The following MYO18B variants were observed in gnomAD, a reference collection of about 807,000 sequenced individuals.
MYO18B encodes the protein myosin XVIIIB.
MYO18B carries 204 observed loss-of-function variants against 273.0 expected under a neutral mutation model. That is an observed-to-expected ratio of 0.75 (90% CI 0.67 to 0.84). The LOEUF (loss-of-function observed/expected upper bound fraction) is 0.84, where lower values mean the gene tolerates loss of function less well. MYO18B is among the 40% of genes least tolerant of loss of function. The pLI is 0.00. For missense variants in MYO18B, 3,212 were observed against 3,287.6 expected (o/e 0.98, Z 0.56); for synonymous variants, 1,330 against 1,305.7 (o/e 1.02, Z -0.40).
chr22:25,849,108 T>C (rs2090345019), intron 20 of MYO18B, among the ~76,000 whole-genome samples: 2 of 152,242 alleles, frequency 1.3e-5, no homozygotes, highest in South Asian at 4.1e-4. Flanking sequence ...CCCCCACACT[T>C]AATCGATTCT....
At chr22:25,808,749 C>A (rs1400156598) in intron 12 of MYO18B, among the ~76,000 whole-genome samples, 3 of 152,136 alleles carry the variant, frequency 2.0e-5, no homozygotes, top group African/African-American at 7.2e-5. Context: ...ACTCCTTTGA[C>A]CTGTGAGACT....
chr22:25,858,525 A>G (rs1260852971), intron 21 of MYO18B, among the ~76,000 whole-genome samples: 1 of 152,232 alleles, frequency 6.6e-6, no homozygotes. Context: ...CCTGTCTGGC[A>G]TATACAGCCA....
Position 25,887,732 on chromosome 22 carries a change from A to G in MYO18B, c.4315-3024A>G, listed in dbSNP as rs1363222274. On this transcript the variant is annotated intron_variant, in intron 25 of 43. Transcript: ENST00000335473. ...GGAAGGGATAGGGATTTATGGGGACAGGGGAAGGTCAGGGGCACCTTGTCT... is the reference window on the plus strand; with the variant it reads ...GGAAGGGATAGGGATTTATGGGGACGGGGGAAGGTCAGGGGCACCTTGTCT... Among the ~76,000 whole-genome samples, 10 of 152,162 alleles carry G rather than the reference A, an allele frequency of 6.6e-5. No individual in the cohort carries two copies. The East Asian group carries it at 1.9e-3, about 29-fold the overall frequency.
At chr22:25,781,255 G>A (rs2087135544) in intron 9 of MYO18B, among the ~76,000 whole-genome samples, 1 of 152,208 alleles carries the variant, frequency 6.6e-6, no homozygotes, top group South Asian at 2.1e-4. Context: ...ACAAAGGATT[G>A]AGAAGTTCTG....
At chr22:25,831,315 G>C (rs2089698763) in intron 15 of MYO18B, among the ~76,000 whole-genome samples, 1 of 152,178 alleles carries the variant, frequency 6.6e-6, no homozygotes. Flanking sequence ...TAAGTTCAAG[G>C]CTTTATAAAC....
intron 25 of MYO18B, among the ~76,000 whole-genome samples, chr22:25,879,854 A>G (rs2091292040): frequency 2.0e-5 from 3 of 152,194 alleles, no homozygotes; most frequent in Non-Finnish European, 4.4e-5. Context: ...CACATCCTAC[A>G]TGGCTGGAGC....
Position 25,972,866 on chromosome 22 carries a change from G to T in MYO18B, c.6156+17502G>T, listed in dbSNP as rs145148262. ...TGCTACTCCGGTGGCTGAGGCATGAGAATTGGTTGAACCTAGGAGGTGGAG... is the reference window on the plus strand; with the variant it reads ...TGCTACTCCGGTGGCTGAGGCATGATAATTGGTTGAACCTAGGAGGTGGAG... On this transcript the variant is annotated intron_variant, in intron 39 of 43. Transcript: ENST00000335473. Among the ~76,000 whole-genome samples, 90 of 151,110 alleles carry T rather than the reference G, an allele frequency of 6.0e-4. No individual in the cohort carries two copies. The East Asian group carries it at 0.017, about 29-fold the overall frequency.
At chr22:25,997,614 G>T (rs143507993) in intron 40 of MYO18B, among the ~76,000 whole-genome samples, 3 of 152,284 alleles carry the variant, frequency 2.0e-5, no homozygotes, top group East Asian at 3.9e-4. Flanking sequence ...TGCCCATGAA[G>T]TCTCAACACA....
At chr22:25,941,602 T>G (rs2092644925) in intron 34 of MYO18B, among the ~76,000 whole-genome samples, 1 of 152,256 alleles carries the variant, frequency 6.6e-6, no homozygotes, top group Non-Finnish European at 1.5e-5. Context: ...AGTGAATTCT[T>G]CTTATGCTGG....
Position 25,843,847 on chromosome 22 carries a change from C to G in MYO18B, c.3321C>G (p.Pro1107=). The change falls in exon 18 of 44, where the codon CCC becomes CCG. Residue 1107 remains proline, a synonymous_variant. Transcript: ENST00000335473. ...DLTGWLHRAK[P]NLSALDAPQV... ...CGGGCTGGCTCCACAGAGCCAAGCCCAACCTCTCGGCCCTGGATGCACCCC... is the reference window on the plus strand; with the variant it reads ...CGGGCTGGCTCCACAGAGCCAAGCCGAACCTCTCGGCCCTGGATGCACCCC... 6.2e-7 allele frequency: 1 copy of G among 1,613,556 alleles called. No individual in the cohort carries two copies.
chr22:26,005,841 G>C (rs567125895), intron 42 of MYO18B, among the ~76,000 whole-genome samples: 1 of 152,272 alleles, frequency 6.6e-6, no homozygotes, highest in South Asian at 2.1e-4. Flanking sequence ...GGGCATATTT[G>C]GCAAATGGCA....
intron 1 of MYO18B, among the ~76,000 whole-genome samples, chr22:25,748,945 A>G (rs2085859281): frequency 6.6e-6 from 1 of 152,154 alleles, no homozygotes; most frequent in South Asian, 2.1e-4. Flanking sequence ...CTTTGTATGG[A>G]ATCATGAGTC....
At chr22:25,771,034 C>T (rs1245806390) in intron 6 of MYO18B, 50 bp downstream of exon 6, 1 of 1,267,584 alleles carries the variant, frequency 7.9e-7, no homozygotes, top group Non-Finnish European at 1.1e-6. Flanking sequence ...TGTCCCACTT[C>T]ACCCCAGCTC....
chr22:25,890,798 G>A lies in MYO18B; in HGVS notation c.4357G>A (p.Gly1453Ser), dbSNP rs765037436. Residue 1453 changes from glycine to serine, a missense_variant, in exon 26 of 44, where the codon GGT (glycine) becomes AGT (serine). Gly to Ser is a moderately conservative substitution (Grantham distance 56). Transcript: ENST00000335473. ...TSDLADERFK[G>S]DVACQVLESE... ...TGACCTTGCCGATGAGCGCTTCAAA[G>A]GTGATGTGGCCTGCCAGGTGCTGGA... 1 of 1,613,982 alleles carries A rather than the reference G, an allele frequency of 6.2e-7. No individual in the cohort carries two copies. The highest frequency in any genetic ancestry group is 8.5e-7 in the Non-Finnish European group (1 of 1,179,892).
At chr22:26,011,229 A>G (rs934773583) in intron 42 of MYO18B, among the ~76,000 whole-genome samples, 1 of 151,972 alleles carries the variant, frequency 6.6e-6, no homozygotes, top group Non-Finnish European at 1.5e-5. Context: ...TGCCTGCACC[A>G]TTCTGAGTCC....
chr22:25,921,382 G>A lies in MYO18B; in HGVS notation c.5490G>A (p.Lys1830=), dbSNP rs1254950991. The A allele has an allele frequency of 6.2e-7, 1 of 1,600,496 alleles. No individual in the cohort carries two copies. Among genetic ancestry groups the A allele is most frequent in the East Asian group, 2.3e-5 (1 of 44,260 alleles). The change falls in exon 34 of 44, where the codon AAG becomes AAA. Residue 1830 remains lysine (K), a synonymous_variant. Transcript: ENST00000335473. ...TMEDGKTSVS[K]EELEKVHSQL... is the part of the protein sequence containing the mutation. ...AGGATGGCAAGACATCAGTCAGCAA[G>A]GAGGAGCTGGAGAAAGTGCACAGCC...
chr22:25,958,616 G>T (rs1326179374), intron 39 of MYO18B, among the ~76,000 whole-genome samples: 1 of 152,146 alleles, frequency 6.6e-6, no homozygotes, highest in Non-Finnish European at 1.5e-5. Context: ...GTGAGGAAGG[G>T]CAAGGAATCA....
intron 34 of MYO18B, among the ~76,000 whole-genome samples, chr22:25,925,545 G>GCAT (rs909538124): frequency 2.0e-5 from 3 of 152,106 alleles, no homozygotes; most frequent in East Asian, 3.8e-4. Context: ...CTAAAGCGAA[G>GCAT]CATCATCATC....
At chr22:25,940,694 C>G (rs531153002) in intron 34 of MYO18B, among the ~76,000 whole-genome samples, 100 of 152,276 alleles carry the variant, frequency 6.6e-4, no homozygotes, top group Admixed American at 2.1e-3. Context: ...TTCTTTGACC[C>G]TAGATGGAGC....
Sources: allele counts gnomAD v4.1 joint callset (sites outside exome capture counted in the v4.1 genomes callset), GRCh38; gene constraint gnomAD v4.1.1; transcripts MANE v1.5; gene names NCBI Gene and HGNC (gene_info 2026-07-23, HGNC 2026-07-21).